Variants in TMEM132D observed in about 807,000 individuals in gnomAD.
TMEM132D encodes transmembrane protein 132D, also known as mature OL transmembrane protein.
A neutral mutation model predicts 62.3 loss-of-function variants in TMEM132D; 21 were observed. That is an observed-to-expected ratio of 0.34 (90% CI 0.24 to 0.49). The LOEUF is 0.49. Ranked by LOEUF, TMEM132D falls within the 20% of genes least tolerant of loss-of-function variation. The probability of loss-of-function intolerance (pLI) is 0.99; values close to 1 mark genes in which losing one functional copy is unlikely to be tolerated. For synonymous variants in TMEM132D, 621 were observed against 575.6 expected (o/e 1.08, Z -1.13); for missense variants, 1,346 against 1,402.8 (o/e 0.96, Z 0.65).
At chr12:129,785,689 C>G (rs1236664773) in intron 1 of TMEM132D, among the ~76,000 whole-genome samples, 1 of 152,186 alleles carries the variant, frequency 6.6e-6, no homozygotes, top group Non-Finnish European at 1.5e-5. Context: ...GTGCCTAGAT[C>G]TCCAACTTCC....
intron 4 of TMEM132D, among the ~76,000 whole-genome samples, chr12:129,224,690 G>A (rs536598494): frequency 4.1e-4 from 63 of 152,274 alleles, no homozygotes; most frequent in African/African-American, 1.4e-3. Context: ...CAGATCACTT[G>A]AGGTCAGGAG....
intron 5 of TMEM132D, among the ~76,000 whole-genome samples, chr12:129,136,232 AATTG>A (rs1051406853): frequency 1.3e-5 from 2 of 152,196 alleles, no homozygotes; most frequent in African/African-American, 4.8e-5. Context: ...GCTCCACCCA[AATTG>A]ATTGAATAAT....
intron 3 of TMEM132D, among the ~76,000 whole-genome samples, chr12:129,508,479 T>G (rs1278837123): frequency 6.6e-6 from 1 of 152,204 alleles, no homozygotes; most frequent in Non-Finnish European, 1.5e-5. Context: ...CTTCTCCTTC[T>G]CTTCCTCTTC....
intron 1 of TMEM132D, among the ~76,000 whole-genome samples, chr12:129,719,711 G>A (rs1348205719): frequency 2.6e-5 from 4 of 152,198 alleles, no homozygotes; most frequent in Non-Finnish European, 4.4e-5. Context: ...GCCTATTTCA[G>A]GGCCTTCAGC....
intron 5 of TMEM132D, among the ~76,000 whole-genome samples, chr12:129,198,199 C>T (rs59712743): frequency 0.036 from 5,552 of 152,124 alleles, 129 homozygotes; most frequent in Admixed American, 0.059. Context: ...AAGGATGTAA[C>T]GAAAAGGGAA....
chr12:129,421,473 T>C (rs1308364821), intron 3 of TMEM132D, among the ~76,000 whole-genome samples: 4 of 152,220 alleles, frequency 2.6e-5, no homozygotes, highest in Non-Finnish European at 5.9e-5. Flanking sequence ...GAGCATGCTA[T>C]GACATTGCTT....
At chr12:129,178,197 G>A (rs1028466930) in intron 5 of TMEM132D, among the ~76,000 whole-genome samples, 1 of 152,124 alleles carries the variant, frequency 6.6e-6, no homozygotes. Context: ...TTGATTCCAT[G>A]TCTTTGCTAT....
intron 2 of TMEM132D, among the ~76,000 whole-genome samples, chr12:129,565,071 G>T (rs914450164): frequency 1.3e-5 from 2 of 152,234 alleles, no homozygotes; most frequent in Non-Finnish European, 2.9e-5. Context: ...GAAGAAAAAT[G>T]GGTGAACGGG....
chr12:129,386,300 A>G (rs1461842795), intron 3 of TMEM132D, among the ~76,000 whole-genome samples: 1 of 152,120 alleles, frequency 6.6e-6, no homozygotes, highest in Admixed American at 6.5e-5. Flanking sequence ...GCTAACACTA[A>G]TGCTAATGCC....
At chr12:129,676,093 G>A (rs1880622680) in intron 2 of TMEM132D, among the ~76,000 whole-genome samples, 1 of 152,092 alleles carries the variant, frequency 6.6e-6, no homozygotes, top group Non-Finnish European at 1.5e-5. Flanking sequence ...AGGAAGACAA[G>A]GTCCCTGCTC....
chr12:129,101,940 C>A (rs1448157949), intron 5 of TMEM132D, among the ~76,000 whole-genome samples: 1 of 151,962 alleles, frequency 6.6e-6, no homozygotes, highest in Non-Finnish European at 1.5e-5. Flanking sequence ...TCATAATCCC[C>A]CGCTTCTCTG....
At chr12:129,659,434 C>G (rs1880179205) in intron 2 of TMEM132D, among the ~76,000 whole-genome samples, 1 of 152,190 alleles carries the variant, frequency 6.6e-6, no homozygotes, top group African/African-American at 2.4e-5. Flanking sequence ...AAAACAGTCA[C>G]TTTCTTATAT....
intron 1 of TMEM132D, among the ~76,000 whole-genome samples, chr12:129,866,695 T>A (rs1202387956): frequency 6.6e-6 from 1 of 152,096 alleles, no homozygotes; most frequent in African/African-American, 2.4e-5. Context: ...GTAAAGCCAT[T>A]ACGGCAAACA....
chr12:129,430,565 A>C (rs1025241644), intron 3 of TMEM132D, among the ~76,000 whole-genome samples: 2 of 152,090 alleles, frequency 1.3e-5, no homozygotes, highest in Admixed American at 6.6e-5. Context: ...GAACTCCCAA[A>C]GAGCTAGATT....
chr12:129,544,246 A>C (rs955989201), intron 2 of TMEM132D, among the ~76,000 whole-genome samples: 3 of 152,202 alleles, frequency 2.0e-5, no homozygotes, highest in African/African-American at 7.2e-5. Context: ...GTCTGTTCAA[A>C]TCCTTTGTCC....
At chr12:129,241,124 C>A in intron 4 of TMEM132D, among the ~76,000 whole-genome samples, 1 of 145,670 alleles carries the variant, frequency 6.9e-6, no homozygotes, top group African/African-American at 2.6e-5. Context: ...AGGAAAGGCC[C>A]TTACCATGCT....
chr12:129,583,246 C>T (rs1326647903), intron 2 of TMEM132D, among the ~76,000 whole-genome samples: 1 of 152,192 alleles, frequency 6.6e-6, no homozygotes, highest in Non-Finnish European at 1.5e-5. Context: ...TGGCTATGTA[C>T]TCTATGATTA....
At chr12:129,871,221 C>T (rs1874230402) in intron 1 of TMEM132D, among the ~76,000 whole-genome samples, 1 of 152,106 alleles carries the variant, frequency 6.6e-6, no homozygotes, top group South Asian at 2.1e-4. Flanking sequence ...TTTCAAATCC[C>T]GTGAGAGTGA....
At chr12:129,311,751 T>C (rs903747142) in intron 4 of TMEM132D, among the ~76,000 whole-genome samples, 1 of 152,162 alleles carries the variant, frequency 6.6e-6, no homozygotes, top group Non-Finnish European at 1.5e-5. Context: ...CTGTGAGGCA[T>C]GCTGGTAGAA....
Sources: allele counts gnomAD v4.1 joint callset (sites outside exome capture counted in the v4.1 genomes callset), GRCh38; gene constraint gnomAD v4.1.1; transcripts MANE v1.5; gene names NCBI Gene and HGNC (gene_info 2026-07-23, HGNC 2026-07-21).